The following SYNPR variants were observed in gnomAD, a reference collection of about 807,000 sequenced individuals.
The protein encoded by SYNPR is synaptoporin.
SYNPR carries 23 observed loss-of-function variants against 32.9 expected under a neutral mutation model. The ratio of observed to expected loss-of-function variants is 0.70; its 90% CI spans 0.50 to 0.99. SYNPR has a LOEUF of 0.99. SYNPR is among the 50% of genes least tolerant of loss of function. The pLI is 0.00. For synonymous variants in SYNPR, 146 were observed against 135.9 expected, an observed-to-expected ratio of 1.07 and a Z score of -0.52; for missense variants, 318 against 349.3, an observed-to-expected ratio of 0.91 and a Z score of 0.71.
intron 2 of SYNPR, among the ~76,000 whole-genome samples, chr3:63,350,523 AGT>A (rs1287345612): frequency 6.6e-6 from 1 of 152,130 alleles, no homozygotes; most frequent in Non-Finnish European, 1.5e-5. Flanking sequence ...ATGTGTGTGT[AGT>A]GTGTGTGTGC....
At chr3:63,282,479 G>A (rs62251335) in intron 2 of SYNPR, among the ~76,000 whole-genome samples, 17,656 of 151,994 alleles carry the variant, frequency 0.12, 1,128 homozygotes, top group Non-Finnish European at 0.15. Context: ...TTTATTGTCC[G>A]TACTATGATC....
chr3:63,565,540 G>T (rs1702767706), intron 4 of SYNPR, among the ~76,000 whole-genome samples: 2 of 152,192 alleles, frequency 1.3e-5, no homozygotes. Context: ...TCCCATTCAT[G>T]AGGGAGGGGC....
chr3:63,296,255 C>T (rs11920903), intron 2 of SYNPR, among the ~76,000 whole-genome samples: 4,156 of 151,440 alleles, frequency 0.027, 170 homozygotes, highest in African/African-American at 0.094. Flanking sequence ...GATTTTAGTG[C>T]TAATAGTATG....
chr3:63,279,752 G>A (rs1258401556), intron 2 of SYNPR, among the ~76,000 whole-genome samples: 3 of 152,192 alleles, frequency 2.0e-5, no homozygotes, highest in East Asian at 3.9e-4. Context: ...AGCTCCAAGG[G>A]CTTATATCTG....
intron 4 of SYNPR, among the ~76,000 whole-genome samples, chr3:63,572,301 C>T (rs984299348): frequency 1.3e-5 from 2 of 151,854 alleles, no homozygotes; most frequent in African/African-American, 4.8e-5. Flanking sequence ...CTCCTCCTTC[C>T]TCTTCTTATT....
At chr3:63,242,098 A>G (rs2086253286) in intron 1 of SYNPR, among the ~76,000 whole-genome samples, 1 of 152,144 alleles carries the variant, frequency 6.6e-6, no homozygotes, top group Non-Finnish European at 1.5e-5. Context: ...CCTTCTAATT[A>G]GAATCTGAAT....
chr3:63,245,680 T>TGAGAGAGAGAGAGAGA (rs71992869), intron 1 of SYNPR, among the ~76,000 whole-genome samples: 34 of 123,272 alleles, frequency 2.8e-4, no homozygotes, highest in Admixed American at 4.2e-4. Flanking sequence ...CTTTGTCAAG[T>TGAGAGAGAGAGAGAGA]GAGAGAGAGA....
intron 2 of SYNPR, among the ~76,000 whole-genome samples, chr3:63,280,003 A>G (rs1173766750): frequency 6.6e-6 from 1 of 152,222 alleles, no homozygotes; most frequent in East Asian, 1.9e-4. Context: ...TTGCTTTCTC[A>G]GAATTCTGCC....
chr3:63,598,074 A>G (rs1407786193), intron 4 of SYNPR, among the ~76,000 whole-genome samples: 9 of 152,218 alleles, frequency 5.9e-5, no homozygotes. Flanking sequence ...TCTCTGTATA[A>G]AAGTGTCAGC....
chr3:63,211,535 T>C, the SYNPR span, among the ~76,000 whole-genome samples: 7 of 152,182 alleles, frequency 4.6e-5, no homozygotes, highest in East Asian at 1.3e-3. Flanking sequence ...TGTTATAAAG[T>C]TGTTCTCTCC....
intron 4 of SYNPR, among the ~76,000 whole-genome samples, chr3:63,566,101 C>T (rs192470633): frequency 1.8e-3 from 280 of 152,236 alleles, no homozygotes; most frequent in Non-Finnish European, 3.0e-3. Context: ...AGAACTCTTG[C>T]GTTTTTCTAG....
chr3:63,597,658 G>T (rs958086179), intron 4 of SYNPR, among the ~76,000 whole-genome samples: 2 of 152,066 alleles, frequency 1.3e-5, no homozygotes, highest in Non-Finnish European at 2.9e-5. Context: ...ACTAAACAGG[G>T]AACCCAATGT....
chr3:63,296,470 G>C (rs978183159), intron 2 of SYNPR, among the ~76,000 whole-genome samples: 2 of 152,120 alleles, frequency 1.3e-5, no homozygotes, highest in East Asian at 1.9e-4. Context: ...CAGGAGCCTA[G>C]TCTGGTGGAT....
intron 2 of SYNPR, among the ~76,000 whole-genome samples, chr3:63,396,910 C>T (rs541088049): frequency 6.6e-6 from 1 of 152,206 alleles, no homozygotes; most frequent in South Asian, 2.1e-4. Flanking sequence ...CGAGACCATG[C>T]TGGCTAACAC....
chr3:63,526,418 T>G (rs1372743117), intron 3 of SYNPR, among the ~76,000 whole-genome samples: 2 of 152,202 alleles, frequency 1.3e-5, no homozygotes, highest in Non-Finnish European at 2.9e-5. Flanking sequence ...CAAAGAGAAC[T>G]GGGATCATTT....
At chr3:63,586,994 T>C (rs1703196489) in intron 4 of SYNPR, among the ~76,000 whole-genome samples, 1 of 152,042 alleles carries the variant, frequency 6.6e-6, no homozygotes, top group Admixed American at 6.6e-5. Flanking sequence ...TGCCTGGTTA[T>C]TGCCAAATAG....
chr3:63,385,225 C>A (rs1194958902), intron 2 of SYNPR, among the ~76,000 whole-genome samples: 1 of 152,158 alleles, frequency 6.6e-6, no homozygotes, highest in Non-Finnish European at 1.5e-5. Flanking sequence ...AAATACTCCA[C>A]AATGCTTTGA....
chr3:63,434,838 A>T (rs1397500203), intron 2 of SYNPR, among the ~76,000 whole-genome samples: 1 of 152,224 alleles, frequency 6.6e-6, no homozygotes, highest in African/African-American at 2.4e-5. Context: ...AGAATTATGA[A>T]AATAGGCATC....
At chr3:63,560,740 T>A (rs928291949) in intron 4 of SYNPR, among the ~76,000 whole-genome samples, 33 of 152,150 alleles carry the variant, frequency 2.2e-4, no homozygotes, top group Admixed American at 1.9e-3. Context: ...AGTGAGGAAC[T>A]ACCAAACACT....
Sources: allele counts gnomAD v4.1 joint callset (sites outside exome capture counted in the v4.1 genomes callset), GRCh38; gene constraint gnomAD v4.1.1; transcripts MANE v1.5; gene names NCBI Gene and HGNC (gene_info 2026-07-23, HGNC 2026-07-21).